The following RNF38 variants were observed in gnomAD, a reference collection of about 807,000 sequenced individuals.
The protein encoded by RNF38 is ring finger protein 38.
Under a neutral mutation model 67.2 loss-of-function variants are expected in RNF38, and 15 were observed. The ratio of observed to expected loss-of-function variants is 0.22; its 90% CI spans 0.15 to 0.34. The LOEUF (loss-of-function observed/expected upper bound fraction) is 0.34. Among genes scored for constraint, RNF38 ranks in the 10% least tolerant of loss-of-function variants. The pLI, the probability that RNF38 is intolerant of heterozygous loss-of-function variation, is 1.00. For missense variants in RNF38, 524 were observed against 639.9 expected (o/e 0.82, Z 1.95); for synonymous variants, 220 against 218.8 (o/e 1.01, Z -0.05).
At chr9:36,400,559 A>T, upstream of RNF38, 1 of 988,042 alleles carries the variant, frequency 1.0e-6, no homozygotes, top group Non-Finnish European at 1.2e-6. Context: ...AGTACCTGCG[A>T]GGGGAGGCTC....
chr9:36,478,546 G>A (rs980277144), intron 1 of RNF38, among the ~76,000 whole-genome samples: 12 of 150,188 alleles, frequency 8.0e-5, no homozygotes, highest in African/African-American at 2.2e-4. Flanking sequence ...GGCCGGGCAC[G>A]GTGGCTCATA....
chr9:36,389,634 C>A (rs1050113652), intron 2 of RNF38, among the ~76,000 whole-genome samples: 1 of 152,142 alleles, frequency 6.6e-6, no homozygotes, highest in African/African-American at 2.4e-5. Context: ...GACTGAAGAG[C>A]CCTAGATCAC....
intron 1 of RNF38, among the ~76,000 whole-genome samples, chr9:36,429,916 G>T (rs1395661219): frequency 6.6e-6 from 1 of 152,028 alleles, no homozygotes; most frequent in Non-Finnish European, 1.5e-5. Context: ...CATGCAGTTG[G>T]CTAAACCCAA....
At chr9:36,484,915 C>G (rs141727235) in intron 1 of RNF38, among the ~76,000 whole-genome samples, 3 of 152,122 alleles carry the variant, frequency 2.0e-5, no homozygotes, top group Non-Finnish European at 4.4e-5. Flanking sequence ...GCCTGTAATC[C>G]CAGCACTTTG....
chr9:36,354,257 A>C (rs1389034278), intron 6 of RNF38, among the ~76,000 whole-genome samples: 3 of 152,172 alleles, frequency 2.0e-5, no homozygotes, highest in African/African-American at 7.2e-5. Context: ...CAGTGGCGCC[A>C]TCTTGGCTCA....
upstream of RNF38, chr9:36,401,312 C>G (rs1357631104): frequency 1.3e-6 from 1 of 746,710 alleles, no homozygotes; most frequent in Non-Finnish European, 1.6e-6. Flanking sequence ...CAGCCCGCCC[C>G]CCGCTGCCCT....
At chr9:36,351,549 T>G (rs1263359807) in intron 8 of RNF38, among the ~76,000 whole-genome samples, 1 of 152,034 alleles carries the variant, frequency 6.6e-6, no homozygotes, top group Admixed American at 6.6e-5. Context: ...TATAAGGAAA[T>G]GCAAAAGACC....
At chr9:36,487,295 C>G (rs1471282516) in intron 1 of RNF38, 2 of 985,052 alleles carry the variant, frequency 2.0e-6, no homozygotes, top group Non-Finnish European at 2.4e-6. Flanking sequence ...TGGCCCGCTC[C>G]GGGACCCCGT....
chr9:36,430,406 T>C (rs1838902889), intron 1 of RNF38, among the ~76,000 whole-genome samples: 1 of 152,118 alleles, frequency 6.6e-6, no homozygotes. Context: ...GGTTTTGCCA[T>C]GTTCGTCAGG....
At chr9:36,380,896 TG>T (rs1009784625) in intron 2 of RNF38, among the ~76,000 whole-genome samples, 2 of 152,188 alleles carry the variant, frequency 1.3e-5, no homozygotes, top group Non-Finnish European at 2.9e-5. Context: ...TTTGTATTTT[TG>T]ATGCTCTCAA....
Position 36,356,153 on chromosome 9 carries a change from CTA to C in RNF38, c.909+148_909+149del. 6.5e-6 allele frequency: 5 copies of C among 763,974 alleles called. No individual in the cohort carries two copies. The South Asian group carries it at 9.1e-5, about 14-fold the overall frequency. 47.3% of individuals were successfully genotyped at this position (763,974 alleles called of 1,614,324 possible). A position where few individuals can be genotyped will look rare whatever the true frequency, so the allele number is the denominator to read the frequency against. ...TGAGTCACTGCACCTGGCCAAGTTA[CTA>C]TGTTTAAGCATGCCATTTAAACATA... is the stretch of plus-strand genomic sequence containing the variant. On this transcript the variant is annotated intron_variant, in intron 6 of 11. Coordinates refer to ENST00000259605, the MANE Select transcript of RNF38 (RefSeq NM_022781.5).
At chr9:36,430,434 AC>A (rs1284429856) in intron 1 of RNF38, among the ~76,000 whole-genome samples, 1 of 151,866 alleles carries the variant, frequency 6.6e-6, no homozygotes, top group Non-Finnish European at 1.5e-5. Context: ...TGAACTCCTG[AC>A]CTCAGGTGAT....
chr9:36,341,796 ATATATATATATATAT>A, intron 11 of RNF38, among the ~76,000 whole-genome samples: 1 of 74,094 alleles, frequency 1.3e-5, no homozygotes, highest in African/African-American at 7.5e-5. Flanking sequence ...GTTTCAAAAT[ATATATATATATATAT>A]ATATATATAT....
At chr9:36,365,583 A>G (rs887788899) in intron 4 of RNF38, among the ~76,000 whole-genome samples, 2 of 151,992 alleles carry the variant, frequency 1.3e-5, no homozygotes, top group Admixed American at 6.6e-5. Context: ...CAAAAAATAA[A>G]TAAGTTTTCT....
chr9:36,424,008 G>T (rs1457199195), intron 2 of RNF38, among the ~76,000 whole-genome samples: 1 of 149,832 alleles, frequency 6.7e-6, no homozygotes, highest in Admixed American at 6.7e-5. Flanking sequence ...TTTCTTTAGA[G>T]ATAAAAAGAA....
intron 4 of RNF38, among the ~76,000 whole-genome samples, chr9:36,368,041 C>T (rs1004246017): frequency 5.3e-5 from 8 of 151,918 alleles, no homozygotes; most frequent in Non-Finnish European, 7.4e-5. Flanking sequence ...TTAGTAGAGA[C>T]GGGGTTTCAC....
At chr9:36,442,763 G>A (rs1839221255) in intron 1 of RNF38, among the ~76,000 whole-genome samples, 1 of 152,244 alleles carries the variant, frequency 6.6e-6, no homozygotes, top group South Asian at 2.1e-4. Flanking sequence ...TGGCAACAGA[G>A]AGAGGCTCAG....
chr9:36,358,718 A>T (rs139288201), intron 4 of RNF38, among the ~76,000 whole-genome samples: 2 of 152,286 alleles, frequency 1.3e-5, no homozygotes, highest in Middle Eastern at 3.4e-3. Flanking sequence ...AAAAAATATG[A>T]TATTAGTTTG....
At chr9:36,467,623 C>T (rs905685798) in intron 1 of RNF38, among the ~76,000 whole-genome samples, 4 of 152,250 alleles carry the variant, frequency 2.6e-5, no homozygotes, top group Middle Eastern at 3.4e-3. Flanking sequence ...AATAATAACA[C>T]CATTAGCAGC....
Sources: allele counts gnomAD v4.1 joint callset (sites outside exome capture counted in the v4.1 genomes callset), GRCh38; gene constraint gnomAD v4.1.1; transcripts MANE v1.5; gene names NCBI Gene and HGNC (gene_info 2026-07-23, HGNC 2026-07-21).